HECW1: variants seen among roughly 807,000 people sequenced by gnomAD.
HECW1 encodes the protein HECT, C2 and WW domain containing E3 ubiquitin protein ligase 1, also known as E3 ubiquitin-protein ligase HECW1.
In HECW1, 61 loss-of-function variants were observed where a neutral mutation model predicts 182.3. That is an observed-to-expected ratio of 0.33 (90% confidence interval 0.27 to 0.41). HECW1 has a LOEUF of 0.41. Ranked by LOEUF, HECW1 falls within the 10% of genes least tolerant of loss-of-function variation. HECW1 has a pLI of 1.00. For missense variants in HECW1, 1,739 were observed against 2,108.9 expected, an observed-to-expected ratio of 0.82 and a Z score of 3.44; for synonymous variants, 859 against 832.6, an observed-to-expected ratio of 1.03 and a Z score of -0.55.
At chr7:43,204,851 C>G (rs545746459) in intron 2 of HECW1, among the ~76,000 whole-genome samples, 2 of 152,052 alleles carry the variant, frequency 1.3e-5, no homozygotes, top group African/African-American at 2.4e-5. Context: ...ATTAAGGCCC[C>G]GCAAAGTTTG....
intron 2 of HECW1, among the ~76,000 whole-genome samples, chr7:43,155,669 A>G (rs1789808627): frequency 6.6e-6 from 1 of 152,202 alleles, no homozygotes; most frequent in Non-Finnish European, 1.5e-5. Context: ...CTCAGTTTGT[A>G]TTACCGTTTT....
At chr7:43,160,015 G>T (rs960992791) in intron 2 of HECW1, among the ~76,000 whole-genome samples, 2 of 152,078 alleles carry the variant, frequency 1.3e-5, no homozygotes, top group African/African-American at 2.4e-5. Flanking sequence ...TTATTTTCTT[G>T]TTTATTAAAA....
At chr7:43,425,261 G>A (rs780351859) in intron 8 of HECW1, among the ~76,000 whole-genome samples, 1 of 150,300 alleles carries the variant, frequency 6.7e-6, no homozygotes, top group Non-Finnish European at 1.5e-5. Context: ...GTACATATAT[G>A]CAGATGTACA....
At chr7:43,216,380 A>G (rs563974911) in intron 2 of HECW1, among the ~76,000 whole-genome samples, 1 of 152,194 alleles carries the variant, frequency 6.6e-6, no homozygotes, top group African/African-American at 2.4e-5. Context: ...TCCTGACCTC[A>G]TGATCCGCCC....
chr7:43,210,969 A>C (rs1205061015), intron 2 of HECW1, among the ~76,000 whole-genome samples: 1 of 152,194 alleles, frequency 6.6e-6, no homozygotes, highest in Non-Finnish European at 1.5e-5. Flanking sequence ...AAAGGAGGGG[A>C]CCCAAAGAGG....
chr7:43,410,983 G>A (rs2075782527), intron 8 of HECW1, among the ~76,000 whole-genome samples: 1 of 147,400 alleles, frequency 6.8e-6, no homozygotes, highest in Non-Finnish European at 1.5e-5. Context: ...ATGTTTAACT[G>A]TTTTCTATTT....
intron 8 of HECW1, among the ~76,000 whole-genome samples, chr7:43,411,323 T>C (rs543066471): frequency 4.1e-4 from 63 of 152,298 alleles, no homozygotes; most frequent in African/African-American, 1.5e-3. Context: ...TTTAATTTTA[T>C]TTTATTGTGG....
At chr7:43,359,115 C>A (rs922325252) in intron 5 of HECW1, among the ~76,000 whole-genome samples, 1 of 152,134 alleles carries the variant, frequency 6.6e-6, no homozygotes, top group Non-Finnish European at 1.5e-5. Context: ...CGTGAGCCAC[C>A]GTGCCCGGCC....
chr7:43,172,904 C>T (rs1791834826), intron 2 of HECW1, among the ~76,000 whole-genome samples: 4 of 152,224 alleles, frequency 2.6e-5, no homozygotes, highest in Non-Finnish European at 5.9e-5. Flanking sequence ...AAAACACATA[C>T]AGCTAGACCA....
In HECW1 at chr7:43,411,242, G is replaced by A. The variant is rs78094168; in HGVS notation, c.801+3511G>A. The stretch of plus-strand genomic sequence containing the variant: ...TCTTCATATTCCTTCTTTGACCCAT[G>A]GATTATTTTGAAATAAGTTGTTTAA... On this transcript the variant is annotated intron_variant, in intron 8 of 29. Coordinates refer to ENST00000395891, the MANE Select transcript of HECW1 (RefSeq NM_015052.5). Among the ~76,000 whole-genome samples, 245 of 151,644 alleles carry A rather than the reference G, an allele frequency of 1.6e-3. 3 individuals carry two copies. In the East Asian group the frequency reaches 0.031, roughly 19 times the overall value.
intron 3 of HECW1, among the ~76,000 whole-genome samples, chr7:43,307,909 T>TAG (rs1203971720): frequency 0.012 from 1,689 of 138,828 alleles, 54 homozygotes; most frequent in African/African-American, 0.043. Flanking sequence ...CATATATATA[T>TAG]ATATATATAC....
In HECW1 at chr7:43,312,159, A is replaced by G. The variant is rs535460954; in HGVS notation, c.352+72A>G. The stretch of plus-strand genomic sequence containing the variant: ...ATGCTGTCACATTTTAATAAACTCT[A>G]CAATATAATTAAAATATACAAGCAA... On this transcript the variant is annotated intron_variant, in intron 4 of 29. Transcript: ENST00000395891. 7.2e-5 allele frequency: 93 copies of G among 1,297,208 alleles called. No homozygotes were observed. In the African/African-American group the frequency reaches 1.3e-3, roughly 19 times the overall value. The allele number at this position is 1,297,208 out of a possible 1,614,324, so 80.4% of individuals were successfully genotyped here. A position where few individuals can be genotyped will look rare whatever the true frequency, so the allele number is the denominator to read the frequency against.
rs751806221 is a variant in HECW1, at chr7:43,466,557, C to T, written c.2902C>T (p.His968Tyr). 6.8e-6 allele frequency: 11 copies of T among 1,613,638 alleles called. No homozygotes were observed. The highest frequency in any genetic ancestry group is 9.3e-6 in the Non-Finnish European group (11 of 1,179,922). The change falls in exon 15 of 30, where the codon CAT becomes TAT. Residue 968 changes from histidine to tyrosine, a missense_variant. Physicochemically the swap from His to Tyr is moderately conservative, Grantham distance 83 (BLOSUM62 2). This residue lies in a region of HECW1 where 971 missense variants were observed against 1,029.1 expected (regional missense o/e 0.94). Coordinates refer to ENST00000395891, the MANE Select transcript of HECW1 (RefSeq NM_015052.5). ...CAACCCCGAGTTCTTCACTGTGCTA[C>T]ATGCCAATTATGTGAGTGCCCTAAA... ...ITNPEFFTVL[H>Y]ANYSAYRVFT...
At chr7:43,235,323 C>G (rs964121740) in intron 2 of HECW1, among the ~76,000 whole-genome samples, 3 of 152,182 alleles carry the variant, frequency 2.0e-5, no homozygotes, top group African/African-American at 7.2e-5. Flanking sequence ...CTCTGTCCTC[C>G]CAGCCTGCAC....
intron 2 of HECW1, among the ~76,000 whole-genome samples, chr7:43,198,438 C>T (rs1286032952): frequency 6.7e-6 from 1 of 149,846 alleles, no homozygotes; most frequent in Non-Finnish European, 1.5e-5. Flanking sequence ...CTCACATTCA[C>T]ACACTCACCC....
chr7:43,500,911 C>A, intron 20 of HECW1, 129 bp downstream of exon 20: 1 of 784,586 alleles, frequency 1.3e-6, no homozygotes, highest in Non-Finnish European at 2.2e-6. Flanking sequence ...GTAACTGCAA[C>A]GCAAGTGGGA....
At chr7:43,361,094 G>A (rs1815845141) in intron 6 of HECW1, 114 bp downstream of exon 6, 2 of 655,038 alleles carry the variant, frequency 3.1e-6, no homozygotes, top group Non-Finnish European at 5.4e-6. Flanking sequence ...GTGTGTACGT[G>A]TACATACACA....
At chr7:43,436,163 CA>C (rs750081980) in intron 8 of HECW1, among the ~76,000 whole-genome samples, 1,550 of 66,994 alleles carry the variant, frequency 0.023, 9 homozygotes, top group African/African-American at 0.07. Flanking sequence ...GACTTTGTCT[CA>C]AAAAAAAAAA....
chr7:43,455,260 CCAGAGATATTTGA>C, intron 12 of HECW1, among the ~76,000 whole-genome samples: 1 of 152,052 alleles, frequency 6.6e-6, no homozygotes, highest in East Asian at 1.9e-4. Flanking sequence ...CGTTTGGTGG[CCAGAGATATTTGA>C]CAGCTGCGTG....
Sources: gnomAD v4.1 joint callset for allele counts (sites outside exome capture counted in the v4.1 genomes callset) on GRCh38, gnomAD v4.1.1 for gene constraint, gnomAD v4.1.1 regional missense constraint, MANE v1.5 for transcripts, NCBI Gene and HGNC (gene_info 2026-07-23, HGNC 2026-07-21) for gene names.